Variants in MACROD2 observed in about 807,000 individuals in gnomAD.
The protein encoded by MACROD2 is ADP-ribose glycohydrolase MACROD2.
MACROD2 carries 36 observed loss-of-function variants against 70.4 expected under a neutral mutation model. The observed-to-expected ratio is 0.51, with a 90% CI of 0.39 to 0.68. MACROD2 has a LOEUF of 0.68. Among genes scored for constraint, MACROD2 ranks in the 30% least tolerant of loss-of-function variants. The pLI is 0.00. For missense variants in MACROD2, 496 were observed against 538.4 expected, an observed-to-expected ratio of 0.92 and a Z score of 0.78; for synonymous variants, 172 against 178.8, an observed-to-expected ratio of 0.96 and a Z score of 0.30.
intron 3 of MACROD2, among the ~76,000 whole-genome samples, chr20:14,188,406 C>G (rs2081360961): frequency 6.6e-6 from 1 of 152,026 alleles, no homozygotes; most frequent in African/African-American, 2.4e-5. Flanking sequence ...CCATATTTAC[C>G]TGGAATTTTA....
chr20:15,347,199 A>G (rs988406745), intron 6 of MACROD2, among the ~76,000 whole-genome samples: 6 of 152,182 alleles, frequency 3.9e-5, no homozygotes, highest in Non-Finnish European at 7.3e-5. Flanking sequence ...TCTTTTTCTC[A>G]ATCTACCATT....
intron 5 of MACROD2, among the ~76,000 whole-genome samples, chr20:14,714,401 T>C (rs572014218): frequency 3.9e-5 from 6 of 152,144 alleles, no homozygotes; most frequent in Non-Finnish European, 8.8e-5. Context: ...ATCCACTCTG[T>C]TCTCCACAGT....
rs193263895 is a variant in MACROD2 at position 14,787,687 on chromosome 20, C to T, written c.418+102728C>T. ...TTTCATGCCGGGGAAGCCATGTTCC[C>T]GTGTTGAGACTACCTTTAGTGGGGA... is the stretch of plus-strand genomic sequence containing the variant. On this transcript the variant is annotated intron_variant, in intron 5 of 17. Coordinates refer to ENST00000684519, the MANE Select transcript of MACROD2 (RefSeq NM_001351661.2). Among the ~76,000 whole-genome samples, 447 of 152,156 alleles carry T rather than the reference C, an allele frequency of 2.9e-3. 2 individuals are homozygous for T. The highest frequency in any genetic ancestry group is 6.8e-3 in the Middle Eastern group (2 of 294).
At chr20:14,600,632 G>A (rs1982436828) in intron 4 of MACROD2, among the ~76,000 whole-genome samples, 1 of 151,976 alleles carries the variant, frequency 6.6e-6, no homozygotes. Context: ...GGAAACCAAG[G>A]CTCAGAGAAA....
chr20:15,248,713 T>C (rs2077127851), intron 6 of MACROD2, among the ~76,000 whole-genome samples: 1 of 152,144 alleles, frequency 6.6e-6, no homozygotes, highest in African/African-American at 2.4e-5. Flanking sequence ...ACTAATGCCA[T>C]TGTGAATGTC....
intron 8 of MACROD2, among the ~76,000 whole-genome samples, chr20:15,646,405 G>A (rs2049542026): frequency 6.6e-6 from 1 of 152,152 alleles, no homozygotes; most frequent in Non-Finnish European, 1.5e-5. Flanking sequence ...GTGGAAATTT[G>A]TGCTGAAAAG....
intron 6 of MACROD2, among the ~76,000 whole-genome samples, chr20:15,237,261 T>C (rs1211590574): frequency 6.6e-6 from 1 of 152,214 alleles, no homozygotes; most frequent in Non-Finnish European, 1.5e-5. Context: ...CTTAGAACTT[T>C]ACCAAGAGTG....
chr20:14,617,576 T>C (rs1242491956), intron 4 of MACROD2, among the ~76,000 whole-genome samples: 1 of 152,156 alleles, frequency 6.6e-6, no homozygotes, highest in Non-Finnish European at 1.5e-5. Context: ...AGAAACCATA[T>C]ACAAAACTCA....
intron 5 of MACROD2, among the ~76,000 whole-genome samples, chr20:14,851,253 C>G (rs1463568503): frequency 1.3e-5 from 2 of 152,110 alleles, no homozygotes; most frequent in Admixed American, 1.3e-4. Context: ...GCCACCGATA[C>G]TGGAGGCTGG....
chr20:15,509,966 A>G (rs2047477029), intron 8 of MACROD2, among the ~76,000 whole-genome samples: 1 of 152,210 alleles, frequency 6.6e-6, no homozygotes, highest in African/African-American at 2.4e-5. Context: ...TGGCATACCA[A>G]AGATCAAGCA....
chr20:14,596,412 C>CATATATATATATATATATATATATAT (rs5840627), intron 4 of MACROD2, among the ~76,000 whole-genome samples: 4 of 143,028 alleles, frequency 2.8e-5, no homozygotes, highest in African/African-American at 1.0e-4. Flanking sequence ...ATTTTTTAAA[C>CATATATATATATATATATATATATAT]ATATATATAT....
intron 7 of MACROD2, among the ~76,000 whole-genome samples, chr20:15,492,290 C>T (rs1230295914): frequency 1.3e-5 from 2 of 151,428 alleles, no homozygotes; most frequent in African/African-American, 4.9e-5. Context: ...AAGAGGTTGA[C>T]AAAAGCTGTT....
intron 6 of MACROD2, among the ~76,000 whole-genome samples, chr20:15,410,653 T>TCTCACA: frequency 6.6e-6 from 1 of 150,738 alleles, no homozygotes; most frequent in African/African-American, 2.4e-5. Flanking sequence ...CTGAATTCTG[T>TCTCACA]CACACACACA....
intron 5 of MACROD2, among the ~76,000 whole-genome samples, chr20:14,844,438 A>G (rs2073118775): frequency 6.6e-6 from 1 of 151,786 alleles, no homozygotes. Context: ...AATCGCTTGA[A>G]CCCAGGAGAT....
At chr20:14,457,568 A>G (rs1292466368) in intron 3 of MACROD2, among the ~76,000 whole-genome samples, 1 of 151,712 alleles carries the variant, frequency 6.6e-6, no homozygotes. Context: ...ATGTGTACAC[A>G]CTCCCCCCGT....
intron 3 of MACROD2, among the ~76,000 whole-genome samples, chr20:14,413,668 A>G (rs1429232345): frequency 6.6e-6 from 1 of 152,202 alleles, no homozygotes; most frequent in East Asian, 1.9e-4. Flanking sequence ...TGTGGCAATG[A>G]TGTTTGCTGG....
chr20:14,792,624 G>A (rs898581878), intron 5 of MACROD2, among the ~76,000 whole-genome samples: 2 of 152,082 alleles, frequency 1.3e-5, no homozygotes, highest in Admixed American at 6.6e-5. Flanking sequence ...TTAGGCTAAA[G>A]CACCTGCACC....
intron 8 of MACROD2, among the ~76,000 whole-genome samples, chr20:15,559,983 T>C (rs1013054143): frequency 1.3e-5 from 2 of 152,220 alleles, no homozygotes; most frequent in African/African-American, 4.8e-5. Context: ...TTATGATGGT[T>C]TATTATTCTC....
chr20:14,055,414 C>T (rs1012410781), intron 2 of MACROD2, among the ~76,000 whole-genome samples: 7 of 150,998 alleles, frequency 4.6e-5, no homozygotes, highest in African/African-American at 1.7e-4. Context: ...TCCTTTGCCA[C>T]AGCCTTTGTT....
Sources: gnomAD v4.1 joint callset for allele counts (sites outside exome capture counted in the v4.1 genomes callset) on GRCh38, gnomAD v4.1.1 for gene constraint, MANE v1.5 for transcripts, NCBI Gene and HGNC (gene_info 2026-07-23, HGNC 2026-07-21) for gene names.